Variants in SH3PXD2A observed in about 807,000 individuals in gnomAD.
The protein encoded by SH3PXD2A is SH3 and PX domain-containing protein 2A.
SH3PXD2A carries 32 observed loss-of-function variants against 115.2 expected under a neutral mutation model. The ratio of observed to expected loss-of-function variants is 0.28; its 90% CI spans 0.21 to 0.37. The LOEUF is 0.37. Ranked by LOEUF, SH3PXD2A falls within the 10% of genes least tolerant of loss-of-function variation. The probability of loss-of-function intolerance (pLI) is 1.00; values close to 1 mark genes in which losing one functional copy is unlikely to be tolerated. For synonymous variants in SH3PXD2A, 610 were observed against 629.1 expected, an observed-to-expected ratio of 0.97 and a Z score of 0.45; for missense variants, 1,328 against 1,498.7, an observed-to-expected ratio of 0.89 and a Z score of 1.88.
intron 2 of SH3PXD2A, among the ~76,000 whole-genome samples, chr10:103,795,334 C>T (rs902574448): frequency 6.6e-6 from 1 of 152,116 alleles, no homozygotes; most frequent in Admixed American, 6.5e-5. Context: ...GCAGCCCCTG[C>T]GTGTGAGTCT....
chr10:103,622,407 G>A, intron 10 of SH3PXD2A, 63 bp downstream of exon 10: 2 of 1,069,216 alleles, frequency 1.9e-6, no homozygotes, highest in Non-Finnish European at 2.8e-6. Context: ...CGGAAAGAAA[G>A]AGCAGTGTTA....
chr10:103,781,562 T>A (rs892567982), intron 2 of SH3PXD2A, among the ~76,000 whole-genome samples: 5 of 152,200 alleles, frequency 3.3e-5, no homozygotes, highest in African/African-American at 1.2e-4. Flanking sequence ...AGGAGCTCAA[T>A]CAAGGTCTAT....
chr10:103,779,544 C>T (rs2038913044), intron 2 of SH3PXD2A, among the ~76,000 whole-genome samples: 1 of 152,138 alleles, frequency 6.6e-6, no homozygotes, highest in Non-Finnish European at 1.5e-5. Flanking sequence ...AGGAAGAACT[C>T]GGACTTCCTC....
At chr10:103,655,304 G>A (rs533563019) in intron 8 of SH3PXD2A, among the ~76,000 whole-genome samples, 2 of 152,234 alleles carry the variant, frequency 1.3e-5, no homozygotes, top group South Asian at 2.1e-4. Flanking sequence ...TCAGTTTTCC[G>A]CAATGCAGAC....
Position 103,603,193 on chromosome 10 carries a change from C to A in SH3PXD2A, c.2025G>T (p.Lys675Asn). 6.2e-7 allele frequency: 1 copy of A among 1,614,146 alleles called. No homozygotes were observed. Among genetic ancestry groups the A allele is most frequent in the Non-Finnish European group, 8.5e-7 (1 of 1,180,042 alleles). ...TCTTCCCCATTTCTGCCTGGGCATT[C>A]TTCTCTGCCTTGAGCTTTAGGAGTG... ...SSSLLKLKAE[K>N]NAQAEMGKNH... is the part of the protein sequence containing the mutation. The change falls in exon 15 of 15, where the codon AAG becomes AAT. Residue 675 changes from lysine to asparagine, a missense_variant. By Grantham distance (94) the Lys-to-Asn change is moderately conservative (BLOSUM62 0). This residue lies in a region of SH3PXD2A where 574 missense variants were observed against 565.7 expected (regional missense o/e 1.01). Coordinates refer to ENST00000369774, the MANE Select transcript of SH3PXD2A (RefSeq NM_001394015.1).
chr10:103,692,889 G>A (rs1055491592), intron 6 of SH3PXD2A, 139 bp downstream of exon 6: 2 of 693,238 alleles, frequency 2.9e-6, no homozygotes, highest in Non-Finnish European at 5.0e-6. Flanking sequence ...GAGTACCCCT[G>A]GCCCGGCAGG....
intron 1 of SH3PXD2A, among the ~76,000 whole-genome samples, chr10:103,812,136 G>A (rs914543422): frequency 1.3e-5 from 2 of 152,180 alleles, no homozygotes; most frequent in Non-Finnish European, 2.9e-5. Flanking sequence ...GAGAGCATGC[G>A]GTTGGACCTT....
At chr10:103,710,311 G>T (rs1183745170) in intron 5 of SH3PXD2A, among the ~76,000 whole-genome samples, 1 of 152,130 alleles carries the variant, frequency 6.6e-6, no homozygotes, top group Non-Finnish European at 1.5e-5. Flanking sequence ...GGAGGTGAAG[G>T]TTGCAGTGAG....
chr10:103,702,344 C>T (rs1451583336), intron 5 of SH3PXD2A, among the ~76,000 whole-genome samples: 3 of 152,208 alleles, frequency 2.0e-5, no homozygotes, highest in Non-Finnish European at 4.4e-5. Context: ...GAAAAGACAA[C>T]ATACAAGTTC....
At chr10:103,849,886 T>C (rs1462029356) in intron 1 of SH3PXD2A, among the ~76,000 whole-genome samples, 1 of 152,168 alleles carries the variant, frequency 6.6e-6, no homozygotes, top group Non-Finnish European at 1.5e-5. Flanking sequence ...TTCTCAGAAC[T>C]CGAGAGGAGT....
intron 2 of SH3PXD2A, among the ~76,000 whole-genome samples, chr10:103,798,744 C>A (rs1033234086): frequency 1.3e-5 from 2 of 152,218 alleles, no homozygotes; most frequent in Non-Finnish European, 2.9e-5. Context: ...CAGCTCCCAG[C>A]GGGCTCCCAC....
At chr10:103,813,141 T>C (rs2039288733) in intron 1 of SH3PXD2A, among the ~76,000 whole-genome samples, 2 of 152,152 alleles carry the variant, frequency 1.3e-5, no homozygotes. Context: ...ATGCTATGTA[T>C]ACCATATGAT....
intron 8 of SH3PXD2A, among the ~76,000 whole-genome samples, chr10:103,634,852 A>C (rs2036840966): frequency 6.6e-6 from 1 of 152,172 alleles, no homozygotes; most frequent in South Asian, 2.1e-4. Context: ...TCTGAGTCTC[A>C]GTCACCCTCT....
Position 103,784,193 on chromosome 10 carries a change from C to T in SH3PXD2A, c.154-17024G>A, listed in dbSNP as rs575975113. 6.6e-6 allele frequency among the ~76,000 whole-genome samples: 1 copy of T among 152,314 alleles called. No individual in the cohort carries two copies. The highest frequency in any genetic ancestry group is 2.1e-4 in the South Asian group (1 of 4,822). On this transcript the variant is annotated intron_variant, in intron 2 of 14. Coordinates refer to ENST00000369774, the MANE Select transcript of SH3PXD2A (RefSeq NM_001394015.1). The surrounding 1 kb of genome is among the most constrained non-coding windows in gnomAD (Gnocchi z 4.4). ...TGGCTGCTCGGGGGTTGCTGGGGCA[C>T]CTGTGTGCAGGCCTGCCCTTTTCCA...
rs928454427 is a variant in SH3PXD2A at position 103,724,701 on chromosome 10, C to T, written c.307-340G>A. ...GAAAACCCCTAACCAGTTATCCAAT[C>T]AACCTACCCATCAACCATCCAGTCA... On this transcript the variant is annotated intron_variant, in intron 4 of 14. Transcript: ENST00000369774. Among the ~76,000 whole-genome samples, 50 of 152,054 alleles carry T rather than the reference C, an allele frequency of 3.3e-4. 1 individual carries two copies. The highest frequency in any genetic ancestry group is 2.9e-5 in the Non-Finnish European group (2 of 68,014).
rs907932867 is a variant in SH3PXD2A at position 103,611,769 on chromosome 10, C to T, written c.1259-139G>A. ...CAGCCTTTATGAAGGACTTGACACT[C>T]TAAGTCACTATGGGCACTGTGGTTG... On this transcript the variant is annotated intron_variant, in intron 12 of 14. Transcript: ENST00000369774. 15 of 729,030 alleles carry T rather than the reference C, an allele frequency of 2.1e-5. No homozygotes were observed. The Middle Eastern group carries it at 9.3e-4, about 45-fold the overall frequency. The allele number at this position is 729,030 out of a possible 1,614,324, so 45.2% of individuals were successfully genotyped here. A position where few individuals can be genotyped will look rare whatever the true frequency, so the allele number is the denominator to read the frequency against.
chr10:103,685,563 G>A (rs2037667288), intron 6 of SH3PXD2A, among the ~76,000 whole-genome samples: 1 of 152,112 alleles, frequency 6.6e-6, no homozygotes, highest in Non-Finnish European at 1.5e-5. Context: ...GCTCTCTCCT[G>A]TTTGAGACGA....
intron 5 of SH3PXD2A, among the ~76,000 whole-genome samples, chr10:103,709,179 TCCAGGCACCCTC>T (rs781160080): frequency 3.3e-5 from 5 of 152,098 alleles, no homozygotes; most frequent in Admixed American, 6.5e-5. Flanking sequence ...AACTCAGGCC[TCCAGGCACCCTC>T]CCAGGCACCG....
intron 6 of SH3PXD2A, among the ~76,000 whole-genome samples, chr10:103,688,923 G>A (rs1196134504): frequency 1.3e-5 from 2 of 152,016 alleles, no homozygotes; most frequent in Non-Finnish European, 2.9e-5. Flanking sequence ...CTGTAGTGCA[G>A]TGGCACAATT....
Sources: allele counts gnomAD v4.1 joint callset (sites outside exome capture counted in the v4.1 genomes callset), GRCh38; gene constraint gnomAD v4.1.1; regional missense constraint gnomAD v4.1.1; non-coding constraint Gnocchi (gnomAD v3.1); transcripts MANE v1.5; gene names NCBI Gene and HGNC (gene_info 2026-07-23, HGNC 2026-07-21).